BMPR1B: variants seen among roughly 807,000 people sequenced by gnomAD.
The protein encoded by BMPR1B is bone morphogenetic protein receptor type-1B.
A neutral mutation model predicts 59.1 loss-of-function variants in BMPR1B; 12 were observed. That is an observed-to-expected ratio of 0.20 (90% confidence interval 0.13 to 0.33). The LOEUF (loss-of-function observed/expected upper bound fraction) is 0.33, where lower values mean the gene tolerates loss of function less well. Ranked by LOEUF, BMPR1B falls within the 10% of genes least tolerant of loss-of-function variation. The pLI is 1.00. For missense variants in BMPR1B, 550 were observed against 610.9 expected, an observed-to-expected ratio of 0.90 and a Z score of 1.05; for synonymous variants, 237 against 207.3, an observed-to-expected ratio of 1.14 and a Z score of -1.23.
intron 1 of BMPR1B, among the ~76,000 whole-genome samples, chr4:94,793,000 A>G (rs1027669372): frequency 6.8e-5 from 1 of 14,600 alleles, no homozygotes; most frequent in Admixed American, 9.7e-4. Context: ...GGATCTATAG[A>G]AAACTTTTTT....
chr4:94,875,286 T>C (rs1245719203), intron 1 of BMPR1B, among the ~76,000 whole-genome samples: 2 of 152,254 alleles, frequency 1.3e-5, no homozygotes, highest in African/African-American at 4.8e-5. Flanking sequence ...TGATCTCTAC[T>C]ACAGTGCTAT....
At position 95,123,923 on chromosome 4, in the gene BMPR1B, T is replaced by C; in HGVS notation, c.446+17T>C. 1.3e-6 allele frequency: 2 copies of C among 1,565,216 alleles called. No individual in the cohort carries two copies. Among genetic ancestry groups the C allele is most frequent in the South Asian group, 1.1e-5 (1 of 89,924 alleles). On this transcript the variant is annotated intron_variant, in intron 7 of 12. Coordinates refer to ENST00000515059, the MANE Select transcript of BMPR1B (RefSeq NM_001203.3). ...TTACTTCCGGTAAGTTTCTAACATG[T>C]AGATGCAAAATTTTTAATTTATAGT...
chr4:94,911,708 A>G (rs1728279721), intron 2 of BMPR1B, among the ~76,000 whole-genome samples: 1 of 152,174 alleles, frequency 6.6e-6, no homozygotes, highest in South Asian at 2.1e-4. Context: ...AGTTGGAGAT[A>G]TTACAATCAG....
At chr4:94,949,264 G>A (rs1257038091) in intron 2 of BMPR1B, among the ~76,000 whole-genome samples, 3 of 149,854 alleles carry the variant, frequency 2.0e-5, no homozygotes, top group South Asian at 4.3e-4. Flanking sequence ...GAGAGTGATG[G>A]TTTCTAGCTT....
At chr4:94,849,902 G>A (rs936393304) in intron 1 of BMPR1B, among the ~76,000 whole-genome samples, 25 of 151,892 alleles carry the variant, frequency 1.6e-4, no homozygotes, top group African/African-American at 5.8e-4. Flanking sequence ...GCTAGTGCTC[G>A]GTGATTTTCG....
intron 1 of BMPR1B, among the ~76,000 whole-genome samples, chr4:94,762,869 T>C (rs1721832847): frequency 6.6e-6 from 1 of 151,910 alleles, no homozygotes; most frequent in Non-Finnish European, 1.5e-5. Flanking sequence ...TTTTTTTTTT[T>C]TTGCGGGGCT....
intron 3 of BMPR1B, among the ~76,000 whole-genome samples, chr4:95,100,892 A>G (rs974614150): frequency 1.3e-5 from 2 of 150,798 alleles, no homozygotes; most frequent in Non-Finnish European, 2.9e-5. Flanking sequence ...AGTATTAATA[A>G]TAATTTTTTA....
intron 2 of BMPR1B, among the ~76,000 whole-genome samples, chr4:94,966,444 T>C (rs1368957777): frequency 1.3e-5 from 2 of 152,138 alleles, no homozygotes; most frequent in African/African-American, 2.4e-5. Context: ...TAGAAGAAAG[T>C]AGAACATTTA....
intron 2 of BMPR1B, among the ~76,000 whole-genome samples, chr4:94,898,030 T>TCAAACTC (rs1351695675): frequency 7.2e-6 from 1 of 138,038 alleles, no homozygotes; most frequent in East Asian, 2.4e-4. Flanking sequence ...CACTGCAACC[T>TCAAACTC]CAAACTCCTA....
chr4:94,803,372 A>G (rs1011959400), intron 1 of BMPR1B, among the ~76,000 whole-genome samples: 1 of 152,066 alleles, frequency 6.6e-6, no homozygotes, highest in African/African-American at 2.4e-5. Context: ...GCCTGACCAC[A>G]TTGTGGTTTA....
chr4:95,097,313 C>T (rs552825356), intron 3 of BMPR1B, among the ~76,000 whole-genome samples: 1 of 151,296 alleles, frequency 6.6e-6, no homozygotes, highest in African/African-American at 2.4e-5. Flanking sequence ...GGGCTCTTAA[C>T]GAGTGACTTA....
intron 3 of BMPR1B, among the ~76,000 whole-genome samples, chr4:94,998,664 C>T (rs1035755606): frequency 5.9e-5 from 9 of 152,218 alleles, no homozygotes; most frequent in East Asian, 1.9e-4. Context: ...TGAGCCACCA[C>T]GCCCAGCCTG....
chr4:94,840,269 T>C (rs1040310826), intron 1 of BMPR1B, among the ~76,000 whole-genome samples: 5 of 148,678 alleles, frequency 3.4e-5, no homozygotes, highest in African/African-American at 1.2e-4. Flanking sequence ...GGAGTATCTT[T>C]GTGGCGTTCT....
intron 10 of BMPR1B, among the ~76,000 whole-genome samples, chr4:95,145,702 A>C (rs1367058049): frequency 6.6e-6 from 1 of 152,244 alleles, no homozygotes; most frequent in Non-Finnish European, 1.5e-5. Context: ...AACATGCCTG[A>C]GGGAAGAAGG....
At chr4:95,087,260 A>G (rs1026424904) in intron 3 of BMPR1B, among the ~76,000 whole-genome samples, 2 of 152,032 alleles carry the variant, frequency 1.3e-5, no homozygotes, top group Admixed American at 6.6e-5. Flanking sequence ...ACTTTGTCTC[A>G]TATCCTTCTA....
At chr4:94,812,812 G>T (rs1723869684) in intron 1 of BMPR1B, among the ~76,000 whole-genome samples, 1 of 152,092 alleles carries the variant, frequency 6.6e-6, no homozygotes, top group Non-Finnish European at 1.5e-5. Context: ...AAATTGAAAG[G>T]ATAACAGCGT....
intron 3 of BMPR1B, among the ~76,000 whole-genome samples, chr4:95,073,204 G>A (rs1728450288): frequency 6.6e-6 from 1 of 152,056 alleles, no homozygotes; most frequent in South Asian, 2.1e-4. Context: ...GGAGAGATTT[G>A]TTCTTAGTAA....
intron 3 of BMPR1B, among the ~76,000 whole-genome samples, chr4:94,996,699 C>T (rs1392906065): frequency 6.6e-6 from 1 of 152,186 alleles, no homozygotes; most frequent in Non-Finnish European, 1.5e-5. Flanking sequence ...TGAGAACAGT[C>T]TTCCTAATCC....
intron 1 of BMPR1B, among the ~76,000 whole-genome samples, chr4:94,819,216 C>A (rs977002184): frequency 6.6e-6 from 1 of 152,006 alleles, no homozygotes; most frequent in Admixed American, 6.6e-5. Context: ...CTTTCTCAGT[C>A]CTCTCAGAGT....
Sources: gnomAD v4.1 joint callset for allele counts (sites outside exome capture counted in the v4.1 genomes callset) on GRCh38, gnomAD v4.1.1 for gene constraint, MANE v1.5 for transcripts, NCBI Gene and HGNC (gene_info 2026-07-23, HGNC 2026-07-21) for gene names.